Variants in TM9SF4 observed in about 807,000 individuals in gnomAD.
The protein encoded by TM9SF4 is dinucleotide oxidase disulfide thiol exchanger 3 superfamily member 4.
A neutral mutation model predicts 90.4 loss-of-function variants in TM9SF4; 26 were observed. The observed-to-expected ratio is 0.29, with a 90% CI of 0.21 to 0.40. TM9SF4 has a LOEUF of 0.40. TM9SF4 is among the 10% of genes least tolerant of loss of function. The pLI is 1.00. For missense variants in TM9SF4, 549 were observed against 834.8 expected, an observed-to-expected ratio of 0.66 and a Z score of 4.22; for synonymous variants, 293 against 315.4, an observed-to-expected ratio of 0.93 and a Z score of 0.75.
At chr20:32,137,413 C>T (rs2046610481) in intron 3 of TM9SF4, among the ~76,000 whole-genome samples, 1 of 152,202 alleles carries the variant, frequency 6.6e-6, no homozygotes, top group African/African-American at 2.4e-5. Flanking sequence ...TCCTGGGTGA[C>T]CTTAACCTCT....
chr20:32,121,355 T>C (rs1337314180), intron 1 of TM9SF4, among the ~76,000 whole-genome samples: 3 of 152,028 alleles, frequency 2.0e-5, no homozygotes, highest in Non-Finnish European at 1.5e-5. Context: ...TGCGGCCTTC[T>C]GCAGCGTTTG....
At chr20:32,123,979 C>T (rs1387922448) in intron 1 of TM9SF4, among the ~76,000 whole-genome samples, 1 of 151,506 alleles carries the variant, frequency 6.6e-6, no homozygotes, top group Non-Finnish European at 1.5e-5. Flanking sequence ...CCTCCTGCCT[C>T]AGCCTCCCAA....
intron 12 of TM9SF4, among the ~76,000 whole-genome samples, chr20:32,152,900 C>G (rs2046863757): frequency 6.6e-6 from 1 of 152,218 alleles, no homozygotes; most frequent in African/African-American, 2.4e-5. Context: ...GTCTGCCTTT[C>G]TCCCTGGAGC....
chr20:32,138,647 ACT>A (rs1339034380), intron 3 of TM9SF4, among the ~76,000 whole-genome samples: 2 of 152,134 alleles, frequency 1.3e-5, no homozygotes, highest in African/African-American at 4.8e-5. Context: ...ACAGAGCAAG[ACT>A]CTATCTCAAA....
In TM9SF4 at chr20:32,155,319, G is replaced by C. The variant is rs1419153708; in HGVS notation, c.1329+133G>C. The C allele has an allele frequency of 6.4e-6, 5 of 784,484 alleles. No homozygotes were observed. The East Asian group carries it at 1.3e-4, about 20-fold the overall frequency. The allele number at this position is 784,484 out of a possible 1,614,324, so 48.6% of individuals were successfully genotyped here. ...TCCCCAGAGTTACGTTCCCAGCCAT[G>C]AGGGCAGAGGGCCAGCTGGGGTTTC... On this transcript the variant is annotated intron_variant, in intron 13 of 17. Transcript: ENST00000398022.
intron 17 of TM9SF4, among the ~76,000 whole-genome samples, chr20:32,161,723 A>T (rs2047021833): frequency 6.6e-6 from 1 of 152,366 alleles, no homozygotes; most frequent in South Asian, 2.1e-4. Flanking sequence ...AGGAAAAGAT[A>T]AGAGTAACAT....
At chr20:32,144,746 CA>C (rs1431000989) in intron 6 of TM9SF4, among the ~76,000 whole-genome samples, 1 of 152,004 alleles carries the variant, frequency 6.6e-6, no homozygotes, top group African/African-American at 2.4e-5. Context: ...CTTGTCCCTA[CA>C]AAAAAATGTC....
At chr20:32,116,847 T>C (rs1600773569) in intron 1 of TM9SF4, among the ~76,000 whole-genome samples, 2 of 131,096 alleles carry the variant, frequency 1.5e-5, no homozygotes, top group African/African-American at 2.8e-5. Flanking sequence ...TTTTTTTTCC[T>C]CCTTTTTCCT....
rs184768281 is a variant in TM9SF4, at chr20:32,109,768, G to T, written c.15+13G>T. 468 of 1,551,618 alleles carry T rather than the reference G, an allele frequency of 3.0e-4. 1 individual carries two copies. Among genetic ancestry groups the T allele is most frequent in the Non-Finnish European group, 3.6e-4 (416 of 1,146,976 alleles). The stretch of plus-strand genomic sequence containing the variant: ...GGCGACGGCGATGGTGAGTGAAGGA[G>T]ACTCCGGGAGCGGGAGCTGGAGCGG... On this transcript the variant is annotated intron_variant, in intron 1 of 17. Coordinates refer to ENST00000398022, the MANE Select transcript of TM9SF4 (RefSeq NM_014742.4).
Position 32,165,559 on chromosome 20 carries a change from G to T in TM9SF4, c.*115G>T, listed in dbSNP as rs902873230. 3.1e-6 allele frequency: 4 copies of T among 1,301,754 alleles called. No homozygotes were observed. In the African/African-American group the frequency reaches 5.9e-5, roughly 19 times the overall value. 80.6% of individuals were successfully genotyped at this position (1,301,754 alleles called of 1,614,324 possible). A position where few individuals can be genotyped will look rare whatever the true frequency, so the allele number is the denominator to read the frequency against. ...CTGCTCGTTTGGAATGTAACTCCTG[G>T]CACAGTGTTCCTGGATCCTGGGGCT... On this transcript the variant is annotated 3_prime_UTR_variant, in exon 18 of 18. Coordinates refer to ENST00000398022, the MANE Select transcript of TM9SF4 (RefSeq NM_014742.4).
intron 13 of TM9SF4, among the ~76,000 whole-genome samples, chr20:32,155,611 G>A (rs540022547): frequency 6.6e-6 from 1 of 152,314 alleles, no homozygotes; most frequent in East Asian, 1.9e-4. Flanking sequence ...GGATCAGGTT[G>A]TATTACCCTT....
At chr20:32,135,819 G>T (rs1349514189) in intron 2 of TM9SF4, among the ~76,000 whole-genome samples, 1 of 152,166 alleles carries the variant, frequency 6.6e-6, no homozygotes, top group Non-Finnish European at 1.5e-5. Context: ...AAATTGCTGT[G>T]TCAAGGGATA....
intron 1 of TM9SF4, among the ~76,000 whole-genome samples, chr20:32,110,727 A>T (rs531328968): frequency 1.3e-5 from 2 of 152,088 alleles, no homozygotes; most frequent in African/African-American, 2.4e-5. Flanking sequence ...TGTGTGGATG[A>T]GGGTGGAGGT....
intron 1 of TM9SF4, among the ~76,000 whole-genome samples, chr20:32,123,058 A>G (rs1483707951): frequency 6.7e-6 from 1 of 149,252 alleles, no homozygotes; most frequent in Non-Finnish European, 1.5e-5. Context: ...AATTGCAGGC[A>G]CTCCGCAGGC....
intron 16 of TM9SF4, 59 bp from the exon 17 acceptor site, chr20:32,161,217 A>C: frequency 6.8e-7 from 1 of 1,481,310 alleles, no homozygotes. Context: ...CAACTGTGAA[A>C]TTGGTAGGAA....
chr20:32,132,692 A>C (rs1024053372), intron 1 of TM9SF4, among the ~76,000 whole-genome samples: 6 of 152,232 alleles, frequency 3.9e-5, no homozygotes, highest in Non-Finnish European at 7.3e-5. Flanking sequence ...ATTTCCTGCC[A>C]GCTATCCTGG....
intron 17 of TM9SF4, among the ~76,000 whole-genome samples, chr20:32,164,514 T>A: frequency 6.6e-6 from 1 of 152,142 alleles, no homozygotes. Context: ...CCTGTCCCTT[T>A]AAAGAAAAGG....
At position 32,165,494 on chromosome 20, in the gene TM9SF4, C is replaced by T. The variant is rs1174981544; in HGVS notation, c.*50C>T. 1.2e-6 allele frequency: 2 copies of T among 1,602,196 alleles called. No individual in the cohort carries two copies. The highest frequency in any genetic ancestry group is 1.7e-6 in the Non-Finnish European group (2 of 1,170,132). The stretch of plus-strand genomic sequence containing the variant: ...GCTCCGTCCTCGGACAGGAAGCCAC[C>T]CTGCGTGGGGGACTGCAGGCACGCA... On this transcript the variant is annotated 3_prime_UTR_variant, in exon 18 of 18. Coordinates refer to ENST00000398022, the MANE Select transcript of TM9SF4 (RefSeq NM_014742.4).
At chr20:32,164,227 T>C (rs928901987) in intron 17 of TM9SF4, among the ~76,000 whole-genome samples, 3 of 145,458 alleles carry the variant, frequency 2.1e-5, no homozygotes, top group African/African-American at 5.0e-5. Flanking sequence ...AGAATGCATA[T>C]AACAAGAGAT....
Sources: gnomAD v4.1 joint callset for allele counts (sites outside exome capture counted in the v4.1 genomes callset) on GRCh38, gnomAD v4.1.1 for gene constraint, MANE v1.5 for transcripts, NCBI Gene and HGNC (gene_info 2026-07-23, HGNC 2026-07-21) for gene names.